BST1: variants seen among roughly 807,000 people sequenced by gnomAD.
BST1 encodes the protein bone marrow stromal cell antigen 1.
In BST1, 49 loss-of-function variants were observed where a neutral mutation model predicts 40.6. That is an observed-to-expected ratio of 1.21 (90% CI 0.96 to 1.53). BST1 has a LOEUF of 1.53. BST1 is among the 40% of genes most tolerant of loss of function. The pLI is 0.00. For synonymous variants in BST1, 157 were observed against 159.3 expected (o/e 0.99, Z 0.11); for missense variants, 423 against 395.9 (o/e 1.07, Z -0.58).
chr4:15,752,924 A>G, the BST1 span, among the ~76,000 whole-genome samples: 3 of 152,214 alleles, frequency 2.0e-5, no homozygotes, highest in Admixed American at 6.5e-5. Flanking sequence ...TAGTACATAT[A>G]AATCACTAAG....
At chr4:15,725,859 C>T (rs1358988684) in intron 8 of BST1, among the ~76,000 whole-genome samples, 2 of 151,720 alleles carry the variant, frequency 1.3e-5, no homozygotes, top group African/African-American at 2.4e-5. Context: ...CATCTCACAA[C>T]TGTGGCTCTT....
At chr4:15,741,856 A>T (rs115218954), downstream of BST1, among the ~76,000 whole-genome samples, 644 of 152,306 alleles carry the variant, frequency 4.2e-3, no homozygotes, top group Non-Finnish European at 6.8e-3. Context: ...GTAAATGTTC[A>T]TTGGCTTATG....
chr4:15,746,441 C>T, the BST1 span, among the ~76,000 whole-genome samples: 1 of 152,182 alleles, frequency 6.6e-6, no homozygotes, highest in Non-Finnish European at 1.5e-5. Flanking sequence ...TCAAGAGCAT[C>T]GCACTAGTAT....
chr4:15,736,188 T>C (rs1363062655), downstream of BST1: 1 of 1,229,712 alleles, frequency 8.1e-7, no homozygotes, highest in Non-Finnish European at 1.1e-6. Context: ...CTGCTTCTGC[T>C]TGGTTTCTCC....
chr4:15,705,823 C>T (rs1027300143), intron 2 of BST1, among the ~76,000 whole-genome samples, 182 bp downstream of exon 2: 2 of 152,138 alleles, frequency 1.3e-5, no homozygotes, highest in Admixed American at 6.6e-5. Context: ...TGTATTAGTC[C>T]GTTGTCACAT....
Position 15,715,355 on chromosome 4 carries a change from T to C in BST1, c.605T>C (p.Ile202Thr). 1 of 1,614,088 alleles carries C rather than the reference T, an allele frequency of 6.2e-7. No individual in the cohort carries two copies. The highest frequency in any genetic ancestry group is 8.5e-7 in the Non-Finnish European group (1 of 1,179,930). Reference sequence around the variant, plus strand: ...TCAGAGCCAACAGGAGCCTATCCCATCAAAGGGTAAGAACACCAGCACATT... The same window carrying C: ...TCAGAGCCAACAGGAGCCTATCCCACCAAAGGGTAAGAACACCAGCACATT... ...NGSEPTGAYP[I>T]KGFFADYEIP... is the part of the protein sequence containing the mutation. Residue 202 changes from isoleucine (I) to threonine (T), a missense_variant, in exon 5 of 9, where the codon ATC (isoleucine) becomes ACC (threonine). Coordinates refer to ENST00000265016, the MANE Select transcript of BST1 (RefSeq NM_004334.3).
chr4:15,725,947 CTTTTTT>C (rs1206237130), intron 8 of BST1, among the ~76,000 whole-genome samples: 37 of 60,144 alleles, frequency 6.2e-4, no homozygotes, highest in Non-Finnish European at 9.4e-4. Flanking sequence ...GAAGTGCGGT[CTTTTTT>C]TTTTTTTTTT....
chr4:15,723,173 C>T (rs1043427684), intron 8 of BST1, among the ~76,000 whole-genome samples: 1 of 152,218 alleles, frequency 6.6e-6, no homozygotes, highest in South Asian at 2.1e-4. Flanking sequence ...TGGGGCCACC[C>T]TTTAAAGTTT....
In BST1 at chr4:15,703,155, A is replaced by G. The variant is rs753333693; in HGVS notation, c.11A>G (p.Gln4Arg). The G allele has an allele frequency of 1.3e-6, 2 of 1,577,636 alleles. No homozygotes were observed. The highest frequency in any genetic ancestry group is 1.8e-5 in the Admixed American group (1 of 55,104). MAAQGCAASRLLQL... is the reference protein window; with the variant it reads MAARGCAASRLLQL... ...GACCAAAGTTCCCCGATGGCGGCCCAGGGGTGCGCGGCATCGCGGCTGCTC... is the reference window on the plus strand; with the variant it reads ...GACCAAAGTTCCCCGATGGCGGCCCGGGGGTGCGCGGCATCGCGGCTGCTC... The change falls in exon 1 of 9, where the codon CAG becomes CGG. Residue 4 changes from glutamine (Q) to arginine (R), a missense_variant. Coordinates refer to ENST00000265016, the MANE Select transcript of BST1 (RefSeq NM_004334.3).
the BST1 span, among the ~76,000 whole-genome samples, chr4:15,767,953 C>T: frequency 6.6e-6 from 1 of 152,136 alleles, no homozygotes; most frequent in African/African-American, 2.4e-5. Context: ...CCTCTTGGCT[C>T]CCAGGAGGAG....
the BST1 span, among the ~76,000 whole-genome samples, chr4:15,757,071 T>A: frequency 2.0e-5 from 3 of 152,350 alleles, no homozygotes; most frequent in African/African-American, 7.2e-5. Context: ...TTTTATTACC[T>A]GAGATACTTT....
At chr4:15,719,795 C>T (rs1001504021) in intron 7 of BST1, among the ~76,000 whole-genome samples, 4 of 152,184 alleles carry the variant, frequency 2.6e-5, no homozygotes, top group Admixed American at 2.0e-4. Flanking sequence ...ATCATTCTCC[C>T]AGCTGAGCAA....
downstream of BST1, among the ~76,000 whole-genome samples, chr4:15,742,251 G>A (rs1283276005): frequency 6.6e-6 from 1 of 152,220 alleles, no homozygotes; most frequent in Non-Finnish European, 1.5e-5. Context: ...AGGTGTTTGG[G>A]TCATGGGGGT....
chr4:15,708,245 G>A (rs1372397230), intron 3 of BST1, among the ~76,000 whole-genome samples: 2 of 152,146 alleles, frequency 1.3e-5, no homozygotes, highest in Admixed American at 6.5e-5. Context: ...GCCGCCGGCA[G>A]ATATTTCGAG....
chr4:15,767,231 G>T, the BST1 span, among the ~76,000 whole-genome samples: 1 of 152,170 alleles, frequency 6.6e-6, no homozygotes, highest in Non-Finnish European at 1.5e-5. Flanking sequence ...GGTGCTGGGG[G>T]TGCCGAGGGA....
the BST1 span, among the ~76,000 whole-genome samples, chr4:15,752,870 G>A: frequency 6.6e-6 from 1 of 152,282 alleles, no homozygotes; most frequent in Non-Finnish European, 1.5e-5. Context: ...CCACTGGAGA[G>A]AGGCTTCTGG....
intron 8 of BST1, among the ~76,000 whole-genome samples, chr4:15,729,553 GTC>G (rs1721278226): frequency 6.6e-6 from 1 of 152,158 alleles, no homozygotes; most frequent in Non-Finnish European, 1.5e-5. Flanking sequence ...AAGAGTTATT[GTC>G]AGAGTTCACC....
intron 5 of BST1, 29 bp downstream of exon 5, chr4:15,715,390 G>C (rs1305905491): frequency 4.4e-6 from 7 of 1,596,160 alleles, no homozygotes; most frequent in Non-Finnish European, 6.0e-6. Context: ...TCAAACACAA[G>C]AGAGAATGCC....
At chr4:15,709,482 C>T (rs1720068099) in intron 3 of BST1, among the ~76,000 whole-genome samples, 3 of 152,106 alleles carry the variant, frequency 2.0e-5, no homozygotes, top group Admixed American at 6.5e-5. Context: ...ATGGACACAG[C>T]CATTCTTTCA....
Sources: gnomAD v4.1 joint callset for allele counts (sites outside exome capture counted in the v4.1 genomes callset) on GRCh38, gnomAD v4.1.1 for gene constraint, MANE v1.5 for transcripts, NCBI Gene and HGNC (gene_info 2026-07-23, HGNC 2026-07-21) for gene names.